DST: variants seen among roughly 807,000 people sequenced by gnomAD.
DST encodes dystonin.
DST carries 253 observed loss-of-function variants against 875.2 expected under a neutral mutation model. The observed-to-expected ratio is 0.29, with a 90% CI of 0.26 to 0.32. The LOEUF is 0.32. Ranked by LOEUF, DST falls within the 10% of genes least tolerant of loss-of-function variation. The probability of loss-of-function intolerance (pLI) is 1.00; values close to 1 mark genes in which losing one functional copy is unlikely to be tolerated. For synonymous variants in DST, 3,124 were observed against 3,197.1 expected, an observed-to-expected ratio of 0.98 and a Z score of 0.77; for missense variants, 8,287 against 9,111.6, an observed-to-expected ratio of 0.91 and a Z score of 3.68.
chr6:56,856,739 C>G (rs1591743434), intron 3 of DST, among the ~76,000 whole-genome samples: 1 of 152,108 alleles, frequency 6.6e-6, no homozygotes, highest in East Asian at 1.9e-4. Flanking sequence ...GAACATGGAA[C>G]TGGGTTGTTT....
intron 3 of DST, among the ~76,000 whole-genome samples, chr6:56,867,741 G>A (rs937862335): frequency 5.9e-5 from 9 of 152,016 alleles, no homozygotes; most frequent in African/African-American, 1.7e-4. Flanking sequence ...GCTGAGGCAG[G>A]AGAATCACTT....
chr6:56,474,813 A>C (rs1582424570), intron 92 of DST, among the ~76,000 whole-genome samples: 1 of 151,918 alleles, frequency 6.6e-6, no homozygotes, highest in Admixed American at 6.6e-5. Flanking sequence ...AAATTCAAAA[A>C]TTAGGCCAGG....
At chr6:56,560,170 T>C in intron 58 of DST, 124 bp downstream of exon 58, 5 of 985,456 alleles carry the variant, frequency 5.1e-6, no homozygotes, top group Non-Finnish European at 7.1e-6. Context: ...AAAAATAGAT[T>C]CTGAAACATT....
intron 2 of DST, among the ~76,000 whole-genome samples, chr6:56,916,965 C>T (rs1208331308): frequency 7.1e-6 from 1 of 140,538 alleles, no homozygotes; most frequent in African/African-American, 2.7e-5. Context: ...TGCCAAGACT[C>T]GCCATCAAGC....
intron 4 of DST, among the ~76,000 whole-genome samples, chr6:56,779,880 C>T (rs1304316513): frequency 1.7e-5 from 2 of 115,836 alleles, no homozygotes; most frequent in African/African-American, 3.3e-5. Context: ...CCCCCCTCCC[C>T]CCACCCCATA....
intron 55 of DST, among the ~76,000 whole-genome samples, chr6:56,565,756 C>T (rs988124937): frequency 1.3e-5 from 2 of 152,188 alleles, no homozygotes; most frequent in African/African-American, 4.8e-5. Context: ...CTCTTCAGAG[C>T]CAGCAGGCAG....
rs942473073 is a variant in DST at position 56,618,205 on chromosome 6, C to T, written c.4930-3721G>A. 3 of 1,613,942 alleles carry T rather than the reference C, an allele frequency of 1.9e-6. No homozygotes were observed. The African/African-American group carries it at 4.0e-5, about 22-fold the overall frequency. On this transcript the variant is annotated intron_variant, in intron 36 of 103. Coordinates refer to ENST00000680361, the MANE Select transcript of DST (RefSeq NM_001374736.1). ...GGCTTTTCTCTTTCTCGAGTGGAGC[C>T]CCTGGTGGCTGGAATTGGACTTCTT...
intron 10 of DST, among the ~76,000 whole-genome samples, chr6:56,664,445 A>G (rs1165074596): frequency 6.6e-6 from 1 of 152,190 alleles, no homozygotes; most frequent in Non-Finnish European, 1.5e-5. Context: ...TCTGTTTGTA[A>G]CACCTACCTC....
chr6:56,782,993 T>C (rs954835948), intron 4 of DST, among the ~76,000 whole-genome samples: 13 of 152,334 alleles, frequency 8.5e-5, no homozygotes, highest in Admixed American at 7.2e-4. Context: ...CCAGTAGTCA[T>C]TCAGGAGCAG....
At chr6:56,627,854 T>C (rs1221857286) in intron 33 of DST, 145 bp downstream of exon 33, 5 of 737,580 alleles carry the variant, frequency 6.8e-6, no homozygotes, top group Admixed American at 2.7e-5. Flanking sequence ...TAGGTTTGGG[T>C]TGCAAGATTT....
At position 56,553,074 on chromosome 6, in the gene DST, T is replaced by C; in HGVS notation, c.15718A>G (p.Lys5240Glu). The C allele has an allele frequency of 6.2e-7, 1 of 1,613,988 alleles. No homozygotes were observed. ...TTATTCTCATCTGTAACAACTTCTT[T>C]ATCTATCTCACAGACACTGAGCAAG... ...NSLLSVCEID[K>E]EVVTDENKSL... The change falls in exon 61 of 104, where the codon AAA (lysine) becomes GAA (glutamate). Residue 5240 changes from lysine (K) to glutamate (E), a missense_variant. Physicochemically the swap from Lys to Glu is moderately conservative, Grantham distance 56. Around this residue, in one of 10 missense-constraint regions of DST, gnomAD observed 1,513 missense variants for 1,677.8 expected, o/e 0.90. Coordinates refer to ENST00000680361, the MANE Select transcript of DST (RefSeq NM_001374736.1).
At chr6:56,922,161 G>A (rs1023475919) in intron 2 of DST, among the ~76,000 whole-genome samples, 3 of 152,084 alleles carry the variant, frequency 2.0e-5, no homozygotes, top group Non-Finnish European at 4.4e-5. Context: ...TACTGCTTAT[G>A]TTAAAAAGGG....
At chr6:56,724,864 G>C (rs1021398837) in intron 5 of DST, among the ~76,000 whole-genome samples, 6 of 152,024 alleles carry the variant, frequency 3.9e-5, no homozygotes, top group Non-Finnish European at 7.4e-5. Flanking sequence ...ACATAAAAAA[G>C]CAATCAGGAC....
rs767430076 is a variant in DST at position 56,535,307 on chromosome 6, T to C, written c.16771-15A>G. ...CGCTGAGCCACCTGCAAAGTGCCAA[T>C]TGTTTCCACTTATTTATTTGTTTCA... On this transcript the variant is annotated splice_polypyrimidine_tract_variant and intron_variant, in intron 62 of 103. Transcript: ENST00000680361. The C allele has an allele frequency of 6.4e-7, 1 of 1,555,704 alleles. No homozygotes were observed. Among genetic ancestry groups the C allele is most frequent in the Admixed American group, 2.3e-5 (1 of 42,936 alleles).
chr6:56,719,938 C>A (rs760304332), intron 5 of DST, among the ~76,000 whole-genome samples: 31 of 152,172 alleles, frequency 2.0e-4, no homozygotes, highest in Admixed American at 3.9e-4. Flanking sequence ...GATCACAGGA[C>A]CACAGGACTG....
At chr6:56,680,754 C>T (rs1309021892) in intron 9 of DST, among the ~76,000 whole-genome samples, 1 of 152,190 alleles carries the variant, frequency 6.6e-6, no homozygotes, top group Non-Finnish European at 1.5e-5. Flanking sequence ...CCTGGATCAT[C>T]TCTACCACAA....
intron 4 of DST, among the ~76,000 whole-genome samples, chr6:56,803,354 T>C (rs144489373): frequency 0.023 from 3,428 of 152,284 alleles, 47 homozygotes; most frequent in Non-Finnish European, 0.034. Context: ...ATCGGCGTTG[T>C]TTTTTTCTTT....
chr6:56,461,122 A>G (rs897436436), intron 102 of DST: 1 of 152,210 alleles, frequency 6.6e-6, no homozygotes, highest in Non-Finnish European at 1.5e-5. Context: ...AACAAATTAC[A>G]TGTATATTTT....
chr6:56,938,311 T>C (rs1011960263), intron 2 of DST, among the ~76,000 whole-genome samples: 2 of 152,032 alleles, frequency 1.3e-5, no homozygotes, highest in Admixed American at 1.3e-4. Flanking sequence ...ATTTTTTTAT[T>C]TTTTGTTTCA....
Sources: gnomAD v4.1 joint callset for allele counts (sites outside exome capture counted in the v4.1 genomes callset) on GRCh38, gnomAD v4.1.1 for gene constraint, gnomAD v4.1.1 regional missense constraint, MANE v1.5 for transcripts, NCBI Gene and HGNC (gene_info 2026-07-23, HGNC 2026-07-21) for gene names.